EXOC6B: variants seen among roughly 807,000 people sequenced by gnomAD.
EXOC6B encodes the protein exocyst complex component 6B.
A neutral mutation model predicts 113.5 loss-of-function variants in EXOC6B; 54 were observed. The ratio of observed to expected loss-of-function variants is 0.48; its 90% confidence interval spans 0.38 to 0.60. The LOEUF is 0.60. Among genes scored for constraint, EXOC6B ranks in the 20% least tolerant of loss-of-function variants. EXOC6B has a pLI of 0.00. For missense variants in EXOC6B, 797 were observed against 977.5 expected (o/e 0.82, Z 2.46); for synonymous variants, 357 against 339.0 (o/e 1.05, Z -0.58).
chr2:72,648,811 AT>A (rs1228693024), intron 6 of EXOC6B, among the ~76,000 whole-genome samples: 1 of 220 alleles, frequency 4.5e-3, no homozygotes, highest in Non-Finnish European at 0.01. Context: ...AGAAAGAAAA[AT>A]GTTGCAATGT....
intron 6 of EXOC6B, among the ~76,000 whole-genome samples, chr2:72,576,127 T>A (rs1704838513): frequency 6.6e-6 from 1 of 152,118 alleles, no homozygotes; most frequent in Non-Finnish European, 1.5e-5. Context: ...TAGAATTAAT[T>A]TTAATACATT....
chr2:72,215,396 C>T (rs1457950853), intron 20 of EXOC6B, among the ~76,000 whole-genome samples: 3 of 152,146 alleles, frequency 2.0e-5, no homozygotes, highest in Admixed American at 1.3e-4. Context: ...CATTATCTCA[C>T]CAAACTGTCT....
At chr2:72,372,646 C>T (rs557676598) in intron 19 of EXOC6B, among the ~76,000 whole-genome samples, 1 of 152,128 alleles carries the variant, frequency 6.6e-6, no homozygotes, top group Admixed American at 6.6e-5. Context: ...GAGATCGAGA[C>T]CATCCTGGCT....
chr2:72,241,107 A>C (rs1682284680), intron 20 of EXOC6B, among the ~76,000 whole-genome samples: 1 of 152,212 alleles, frequency 6.6e-6, no homozygotes, highest in African/African-American at 2.4e-5. Flanking sequence ...TTAATATGCT[A>C]AGGGTTCTAG....
At chr2:72,253,073 T>A (rs1683128041) in intron 20 of EXOC6B, among the ~76,000 whole-genome samples, 1 of 152,134 alleles carries the variant, frequency 6.6e-6, no homozygotes, top group Non-Finnish European at 1.5e-5. Context: ...AAGACATACA[T>A]GTGGCCAAAA....
At chr2:72,207,110 C>T (rs1230970061) in intron 20 of EXOC6B, among the ~76,000 whole-genome samples, 1 of 152,082 alleles carries the variant, frequency 6.6e-6, no homozygotes, top group Non-Finnish European at 1.5e-5. Flanking sequence ...CATGTAAATA[C>T]ATATAGATAA....
At chr2:72,738,785 G>A (rs962087656) in intron 2 of EXOC6B, among the ~76,000 whole-genome samples, 2 of 152,094 alleles carry the variant, frequency 1.3e-5, no homozygotes, top group African/African-American at 2.4e-5. Flanking sequence ...AGACCAGCCT[G>A]GCCAATATGG....
chr2:72,639,851 A>G (rs916046163), intron 6 of EXOC6B, among the ~76,000 whole-genome samples: 2 of 152,164 alleles, frequency 1.3e-5, no homozygotes, highest in Admixed American at 1.3e-4. Context: ...AGATTAAAGG[A>G]AAAAAACCTA....
At chr2:72,534,862 C>T (rs1651090812) in intron 8 of EXOC6B, among the ~76,000 whole-genome samples, 1 of 152,032 alleles carries the variant, frequency 6.6e-6, no homozygotes, top group African/African-American at 2.4e-5. Context: ...CTGCTTAGTC[C>T]CATAGTCTCC....
chr2:72,222,537 CCCTGG>C (rs1680942452), intron 20 of EXOC6B, among the ~76,000 whole-genome samples: 1 of 152,006 alleles, frequency 6.6e-6, no homozygotes, highest in Non-Finnish European at 1.5e-5. Context: ...AAATAAAATG[CCCTGG>C]ACTAGAAGCT....
chr2:72,302,802 T>TA (rs1172461126), intron 20 of EXOC6B, among the ~76,000 whole-genome samples: 1 of 152,144 alleles, frequency 6.6e-6, no homozygotes, highest in African/African-American at 2.4e-5. Context: ...TCCGTGCCTT[T>TA]AAAATGGGGC....
chr2:72,802,343 G>A (rs1403302353), intron 1 of EXOC6B, among the ~76,000 whole-genome samples: 3 of 150,438 alleles, frequency 2.0e-5, no homozygotes, highest in Non-Finnish European at 4.4e-5. Flanking sequence ...AAAAAAAAGT[G>A]TCTGCTAAAA....
At chr2:72,626,820 T>C (rs561980176) in intron 6 of EXOC6B, among the ~76,000 whole-genome samples, 7 of 151,846 alleles carry the variant, frequency 4.6e-5, no homozygotes, top group African/African-American at 1.7e-4. Flanking sequence ...CCTTTTTTGT[T>C]TTTATATTGT....
chr2:72,625,212 A>G, intron 6 of EXOC6B, among the ~76,000 whole-genome samples: 1 of 151,596 alleles, frequency 6.6e-6, no homozygotes, highest in Non-Finnish European at 1.5e-5. Context: ...CACCACACCT[A>G]GCCTAGAGAG....
At chr2:72,245,966 T>C (rs762900814) in intron 20 of EXOC6B, among the ~76,000 whole-genome samples, 1 of 152,238 alleles carries the variant, frequency 6.6e-6, no homozygotes, top group Non-Finnish European at 1.5e-5. Context: ...ATTCCATTGA[T>C]GGCTAATTGT....
At chr2:72,628,655 C>G (rs1248430959) in intron 6 of EXOC6B, among the ~76,000 whole-genome samples, 2 of 152,216 alleles carry the variant, frequency 1.3e-5, no homozygotes, top group Non-Finnish European at 2.9e-5. Flanking sequence ...AGACCTCTCT[C>G]TCTGTCTTTC....
In EXOC6B at chr2:72,465,411, C is replaced by A. The variant is rs1697984617; in HGVS notation, c.1801-72G>T. 3 of 1,155,844 alleles carry A rather than the reference C, an allele frequency of 2.6e-6. No individual in the cohort carries two copies. The South Asian group carries it at 4.6e-5, about 18-fold the overall frequency. 71.6% of individuals were successfully genotyped at this position (1,155,844 alleles called of 1,614,324 possible). On this transcript the variant is annotated intron_variant, in intron 17 of 21. Transcript: ENST00000272427. ...GGCAGAAATTTCTATGAGCTTAGAG[C>A]CATCTGACATATCCATTAAGTAACT...
intron 6 of EXOC6B, among the ~76,000 whole-genome samples, chr2:72,587,719 C>T (rs932860784): frequency 2.0e-5 from 3 of 151,894 alleles, no homozygotes; most frequent in African/African-American, 7.2e-5. Context: ...AGAGAATCAT[C>T]AACAGAGTAA....
rs377748580 is a variant in EXOC6B at position 72,442,323 on chromosome 2, TC to T, written c.1980+22836del. Among the ~76,000 whole-genome samples, 33 of 150,938 alleles carry T rather than the reference TC, an allele frequency of 2.2e-4. 1 individual carries two copies. Among genetic ancestry groups the T allele is most frequent in the Middle Eastern group, 3.4e-3 (1 of 292 alleles). ...CTAAATGGGAAAAAGCTGAACACAT[TC>T]CCCCCCGCAAAAAATGGCACAAGAC... On this transcript the variant is annotated intron_variant, in intron 18 of 21. Coordinates refer to ENST00000272427, the MANE Select transcript of EXOC6B (RefSeq NM_015189.3).
Sources: gnomAD v4.1 joint callset for allele counts (sites outside exome capture counted in the v4.1 genomes callset) on GRCh38, gnomAD v4.1.1 for gene constraint, MANE v1.5 for transcripts, NCBI Gene and HGNC (gene_info 2026-07-23, HGNC 2026-07-21) for gene names.